TJAP1: variants seen among roughly 807,000 people sequenced by gnomAD.
TJAP1 encodes the protein tight junction associated protein 1.
In TJAP1, 27 loss-of-function variants were observed where a neutral mutation model predicts 42.0. The ratio of observed to expected loss-of-function variants is 0.64; its 90% CI spans 0.47 to 0.89. TJAP1 has a LOEUF of 0.89. Among genes scored for constraint, TJAP1 ranks in the 40% least tolerant of loss-of-function variants. TJAP1 has a pLI of 0.00. For synonymous variants in TJAP1, 257 were observed against 288.4 expected, an observed-to-expected ratio of 0.89 and a Z score of 1.10; for missense variants, 712 against 726.9, an observed-to-expected ratio of 0.98 and a Z score of 0.24.
exon 7 of TJAP1, chr6:43,502,332 G>A (rs1459790861): frequency 6.2e-7 from 1 of 1,613,730 alleles, no homozygotes; most frequent in Non-Finnish European, 8.5e-7. Context: ...GGAGTTGGAG[G>A]ACAAGCTGCA....
intron 4 of TJAP1, 165 bp from the exon 5 acceptor site, chr6:43,500,579 C>T: frequency 1.5e-6 from 1 of 678,402 alleles, no homozygotes; most frequent in Non-Finnish European, 2.6e-6. Context: ...GAGGCTTGTC[C>T]CAGCATTACT....
chr6:43,486,354 CT>C (rs1160469279), intron 2 of TJAP1, among the ~76,000 whole-genome samples: 14,094 of 110,724 alleles, frequency 0.13, 1,313 homozygotes, highest in African/African-American at 0.32. Context: ...TTTCCAGTAG[CT>C]TTTTTTTTTT....
Position 43,505,091 on chromosome 6 carries a change from GAGCTGCCCCTGCC to G in TJAP1, c.914_926del (p.Leu305ProfsTer5), listed in dbSNP as rs754783579. 85 of 1,614,002 alleles carry G rather than the reference GAGCTGCCCCTGCC, an allele frequency of 5.3e-5. No homozygotes were observed. Among genetic ancestry groups the G allele is most frequent in the Non-Finnish European group, 6.9e-5 (81 of 1,180,018 alleles). ...TACTGCCAGGGGCTCCCCGGAGGAA[GAGCTGCCCCTGCC>G]AGCCTTTGAGAAGCTGAACCCCTAC... On this transcript the variant is annotated frameshift_variant, in exon 11 of 11. Transcript: ENST00000372449. LOFTEE classifies it high-confidence loss of function. The surrounding 1 kb of genome is among the most constrained non-coding windows in gnomAD (Gnocchi z 5.5).
At chr6:43,484,143 T>C (rs371782462) in intron 2 of TJAP1, among the ~76,000 whole-genome samples, 3 of 151,886 alleles carry the variant, frequency 2.0e-5, no homozygotes, top group East Asian at 1.9e-4. Flanking sequence ...TCATAGCATA[T>C]AGCATGGTGC....
At chr6:43,484,090 A>AAT (rs1483455025) in intron 2 of TJAP1, among the ~76,000 whole-genome samples, 14 of 152,206 alleles carry the variant, frequency 9.2e-5, no homozygotes, top group African/African-American at 3.4e-4. Context: ...AACAAAAAAA[A>AAT]AAATAAAATA....
intron 2 of TJAP1, among the ~76,000 whole-genome samples, chr6:43,493,699 T>C (rs952247433): frequency 6.6e-6 from 1 of 152,120 alleles, no homozygotes; most frequent in Non-Finnish European, 1.5e-5. Flanking sequence ...CATCTTTGGC[T>C]CTTGGGCTGG....
At chr6:43,502,139 C>A in intron 6 of TJAP1, 144 bp from the exon 7 acceptor site, 2 of 618,992 alleles carry the variant, frequency 3.2e-6, no homozygotes, top group Non-Finnish European at 2.8e-6. Flanking sequence ...CTGGAAGATG[C>A]CTTAGAGATC....
chr6:43,501,713 C>A (rs758689625), intron 6 of TJAP1, 26 bp downstream of exon 6: 1 of 131,370 alleles, frequency 7.6e-6, no homozygotes, highest in South Asian at 6.2e-5. Context: ...GCCAGACACA[C>A]ACACACACAC....
exon 4 of TJAP1, chr6:43,499,066 G>A (rs771385108): frequency 3.0e-5 from 48 of 1,613,974 alleles, no homozygotes; most frequent in East Asian, 2.5e-4. Flanking sequence ...CGGGAGCTGC[G>A]TTTGGAAATT....
At chr6:43,483,637 A>C (rs1348737695) in intron 2 of TJAP1, among the ~76,000 whole-genome samples, 3 of 152,154 alleles carry the variant, frequency 2.0e-5, no homozygotes, top group Admixed American at 2.0e-4. Context: ...AATGGTAATG[A>C]ATAGTGTGAA....
intron 2 of TJAP1, among the ~76,000 whole-genome samples, chr6:43,493,270 T>C (rs1354068877): frequency 6.6e-6 from 1 of 152,208 alleles, no homozygotes; most frequent in Non-Finnish European, 1.5e-5. Context: ...ACTTGCTTGA[T>C]TCATTGACAG....
At position 43,505,881 on chromosome 6, in the gene TJAP1, G is replaced by A. The variant is rs1387938611; in HGVS notation, c.*26G>A. On this transcript the variant is annotated 3_prime_UTR_variant, in exon 11 of 11. Coordinates refer to ENST00000372449, the Ensembl canonical transcript of TJAP1. This position sits in a 1 kb window ranked among gnomAD's most constrained non-coding sequence, Gnocchi z 5.5. ...GGCCCCTGCTGGCCTTCCTGCCATT[G>A]CTGCACCAGGACTGCAAGGAGTCCC... 1.1e-5 allele frequency: 16 copies of A among 1,437,216 alleles called. No individual in the cohort carries two copies. In the East Asian group the frequency reaches 4.0e-4, roughly 36 times the overall value. The allele number at this position is 1,437,216 out of a possible 1,614,324, so 89.0% of individuals were successfully genotyped here. A position where few individuals can be genotyped will look rare whatever the true frequency, so the allele number is the denominator to read the frequency against.
At chr6:43,485,241 T>C (rs183404849) in intron 2 of TJAP1, among the ~76,000 whole-genome samples, 14 of 152,306 alleles carry the variant, frequency 9.2e-5, no homozygotes, top group African/African-American at 2.9e-4. Flanking sequence ...ATGGAACACA[T>C]CCAGGCATTG....
rs909941880 is a variant in TJAP1 at position 43,501,603 on chromosome 6, A to G, written c.206A>G (p.Glu69Gly). 19 of 1,613,784 alleles carry G rather than the reference A, an allele frequency of 1.2e-5. 1 individual carries two copies. The highest frequency in any genetic ancestry group is 1.7e-4 in the Middle Eastern group (1 of 6,044). ...AGACGCACTGAGGCCCTGGAACGTG[A>G]GCTGGAAATTGGGCAGGACTGCCTG... is the stretch of plus-strand genomic sequence containing the variant. Residue 69 changes from glutamate (E) to glycine (G), a missense_variant, in exon 6 of 11, where the codon GAG (glutamate) becomes GGG (glycine). Around this residue, in one of 3 missense-constraint regions of TJAP1, gnomAD observed 158 missense variants for 182.1 expected, o/e 0.87. Coordinates refer to ENST00000372449, the Ensembl canonical transcript of TJAP1.
intron 2 of TJAP1, among the ~76,000 whole-genome samples, chr6:43,483,014 C>T (rs1785627580): frequency 6.6e-6 from 1 of 151,942 alleles, no homozygotes; most frequent in Non-Finnish European, 1.5e-5. Flanking sequence ...CCCAGCTACT[C>T]AGGAGGTTGA....
intron 5 of TJAP1, chr6:43,500,994 G>A: frequency 3.4e-6 from 2 of 581,484 alleles, no homozygotes; most frequent in African/African-American, 3.7e-5. Context: ...AGAATCAGGA[G>A]GCGAATGGCT....
chr6:43,484,373 C>T (rs550244372), intron 2 of TJAP1, among the ~76,000 whole-genome samples: 17 of 152,166 alleles, frequency 1.1e-4, no homozygotes, highest in South Asian at 6.2e-4. Flanking sequence ...GCAGGAGAAT[C>T]GCTTGAACCC....
chr6:43,506,038 T>G (rs975815762), exon 11 of TJAP1: 2 of 477,934 alleles, frequency 4.2e-6, no homozygotes, highest in Admixed American at 7.7e-5. Flanking sequence ...GTTGACTGAC[T>G]GCAGCAGCTT....
rs973458639 is a variant in TJAP1 at position 43,491,766 on chromosome 6, C to T, written c.-121-6115C>T. Reference sequence around the variant, plus strand: ...GGAATAAACAATACCTATTTATATGCATGTGGATTGAGCTTATAATGTATT... The same window carrying T: ...GGAATAAACAATACCTATTTATATGTATGTGGATTGAGCTTATAATGTATT... On this transcript the variant is annotated intron_variant, in intron 2 of 10. Coordinates refer to ENST00000372449, the Ensembl canonical transcript of TJAP1. This position sits in a 1 kb window ranked among gnomAD's most constrained non-coding sequence, Gnocchi z 4.6. 1.3e-5 allele frequency among the ~76,000 whole-genome samples: 2 copies of T among 152,126 alleles called. No individual in the cohort carries two copies. Among genetic ancestry groups the T allele is most frequent in the African/African-American group, 4.8e-5 (2 of 41,412 alleles).
Sources: allele counts gnomAD v4.1 joint callset (sites outside exome capture counted in the v4.1 genomes callset), GRCh38; gene constraint gnomAD v4.1.1; regional missense constraint gnomAD v4.1.1; non-coding constraint Gnocchi (gnomAD v3.1); transcripts MANE v1.5; gene names NCBI Gene and HGNC (gene_info 2026-07-23, HGNC 2026-07-21).